Variants in ANO2 observed in about 807,000 individuals in gnomAD.
The protein encoded by ANO2 is anoctamin-2.
In ANO2, 101 loss-of-function variants were observed where a neutral mutation model predicts 124.2. The ratio of observed to expected loss-of-function variants is 0.81; its 90% CI spans 0.69 to 0.96. The LOEUF is 0.96. Among genes scored for constraint, ANO2 ranks in the 40% least tolerant of loss-of-function variants. The pLI is 0.00. For synonymous variants in ANO2, 486 were observed against 482.5 expected (o/e 1.01, Z -0.09); for missense variants, 1,293 against 1,274.5 (o/e 1.01, Z -0.22).
chr12:5,733,382 A>G (rs1950723173), intron 13 of ANO2, among the ~76,000 whole-genome samples: 1 of 152,196 alleles, frequency 6.6e-6, no homozygotes, highest in African/African-American at 2.4e-5. Flanking sequence ...GAAAATGCAT[A>G]ACTCACTTCA....
At chr12:5,731,307 G>GA (rs1592011944) in intron 14 of ANO2, among the ~76,000 whole-genome samples, 1 of 150,870 alleles carries the variant, frequency 6.6e-6, no homozygotes, top group Middle Eastern at 3.4e-3. Context: ...CTTCGTCTAG[G>GA]AAAAAAAATA....
chr12:5,922,584 G>A (rs1941757715), intron 2 of ANO2, 36 bp downstream of exon 2: 3 of 1,506,618 alleles, frequency 2.0e-6, no homozygotes, highest in Non-Finnish European at 2.7e-6. Context: ...AACAGGGCTG[G>A]CCTATCCCCC....
intron 14 of ANO2, among the ~76,000 whole-genome samples, chr12:5,702,643 A>G (rs1440533470): frequency 1.3e-5 from 2 of 152,216 alleles, no homozygotes; most frequent in Non-Finnish European, 2.9e-5. Context: ...ACACAAAAAT[A>G]AATTCCAAGT....
chr12:5,690,111 TTG>T (rs1261066052), intron 14 of ANO2, among the ~76,000 whole-genome samples: 1 of 152,056 alleles, frequency 6.6e-6, no homozygotes, highest in Non-Finnish European at 1.5e-5. Flanking sequence ...TGAGAAACAG[TTG>T]ACTGGCTGGA....
chr12:5,728,056 T>C (rs1950511536), intron 14 of ANO2, among the ~76,000 whole-genome samples: 1 of 152,156 alleles, frequency 6.6e-6, no homozygotes, highest in Non-Finnish European at 1.5e-5. Context: ...TCCGCCCACC[T>C]CGGCCTCTCA....
chr12:5,886,616 A>G (rs1366752783), intron 3 of ANO2, among the ~76,000 whole-genome samples: 1 of 152,198 alleles, frequency 6.6e-6, no homozygotes, highest in Non-Finnish European at 1.5e-5. Context: ...AAATAGAGGG[A>G]CACAAAGAAA....
intron 20 of ANO2, among the ~76,000 whole-genome samples, chr12:5,587,143 A>G (rs1428188702): frequency 6.6e-6 from 1 of 152,204 alleles, no homozygotes; most frequent in African/African-American, 2.4e-5. Flanking sequence ...TTCTTAAGAA[A>G]ACATTCATAG....
At chr12:5,755,763 C>T (rs1441974067) in intron 10 of ANO2, among the ~76,000 whole-genome samples, 1 of 152,118 alleles carries the variant, frequency 6.6e-6, no homozygotes, top group Non-Finnish European at 1.5e-5. Context: ...GCATAGTATT[C>T]CATGGTGTAT....
intron 3 of ANO2, among the ~76,000 whole-genome samples, chr12:5,905,162 C>T (rs192138044): frequency 1.8e-4 from 27 of 152,160 alleles, no homozygotes; most frequent in Non-Finnish European, 2.6e-4. Flanking sequence ...TGGGGGATAA[C>T]GCTGAAAGAA....
intron 4 of ANO2, among the ~76,000 whole-genome samples, chr12:5,843,248 T>A (rs571100907): frequency 6.6e-6 from 1 of 152,196 alleles, no homozygotes; most frequent in African/African-American, 2.4e-5. Context: ...CTGCAAGTTC[T>A]CCATCCTTAA....
intron 3 of ANO2, among the ~76,000 whole-genome samples, chr12:5,893,351 G>A (rs937284957): frequency 6.6e-6 from 1 of 151,924 alleles, no homozygotes; most frequent in African/African-American, 2.4e-5. Flanking sequence ...TCCAACAAAG[G>A]ACTAGTATCC....
In ANO2 at chr12:5,864,306, G is replaced by A. The variant is rs142707995; in HGVS notation, c.535-10165C>T. Among the ~76,000 whole-genome samples the A allele has an allele frequency of 2.6e-3, 400 of 152,360 alleles. 1 individual carries two copies. Among genetic ancestry groups the A allele is most frequent in the Non-Finnish European group, 3.5e-3 (239 of 68,036 alleles). On this transcript the variant is annotated intron_variant, in intron 3 of 24. Coordinates refer to ENST00000682330, the MANE Select transcript of ANO2 (RefSeq NM_001364791.2). ...TGCAACATTTCTACCAAAAATGAGAGAATGACAATCCATAAGCCCCAAAGA... is the reference window on the plus strand; with the variant it reads ...TGCAACATTTCTACCAAAAATGAGAAAATGACAATCCATAAGCCCCAAAGA...
intron 10 of ANO2, among the ~76,000 whole-genome samples, chr12:5,762,943 T>C (rs1187443925): frequency 6.6e-6 from 1 of 151,976 alleles, no homozygotes; most frequent in South Asian, 2.1e-4. Context: ...AACTGAGTCT[T>C]TTCAATATGA....
At chr12:5,737,972 CT>C (rs1950942841) in intron 13 of ANO2, among the ~76,000 whole-genome samples, 1 of 152,142 alleles carries the variant, frequency 6.6e-6, no homozygotes. Flanking sequence ...ATACCTAGGA[CT>C]AGAGTAGAGT....
At chr12:5,702,378 A>G (rs933884969) in intron 14 of ANO2, among the ~76,000 whole-genome samples, 1 of 152,210 alleles carries the variant, frequency 6.6e-6, no homozygotes, top group African/African-American at 2.4e-5. Context: ...CAGTCATAGT[A>G]AAAACAAGCC....
chr12:5,680,520 C>T (rs1213544373), intron 14 of ANO2, among the ~76,000 whole-genome samples: 2 of 152,260 alleles, frequency 1.3e-5, no homozygotes, highest in South Asian at 2.1e-4. Flanking sequence ...ATCTGAAGAA[C>T]GGCCGTGTGG....
chr12:5,760,700 G>C (rs2137106600), intron 10 of ANO2, among the ~76,000 whole-genome samples: 2 of 152,086 alleles, frequency 1.3e-5, no homozygotes, highest in East Asian at 3.9e-4. Flanking sequence ...CCTCCAGAAG[G>C]TCTTCTGGAT....
chr12:5,744,077 G>A (rs1951188219), intron 12 of ANO2, 80 bp downstream of exon 12: 2 of 1,544,716 alleles, frequency 1.3e-6, no homozygotes, highest in Admixed American at 1.8e-5. Flanking sequence ...GTAACCTGAA[G>A]GGGATGAGCT....
At chr12:5,774,698 C>A (rs934013308) in intron 10 of ANO2, among the ~76,000 whole-genome samples, 27 of 152,148 alleles carry the variant, frequency 1.8e-4, no homozygotes, top group African/African-American at 6.3e-4. Context: ...CAGGACCCAG[C>A]CCTCCCAGGG....
Sources: gnomAD v4.1 joint callset for allele counts (sites outside exome capture counted in the v4.1 genomes callset) on GRCh38, gnomAD v4.1.1 for gene constraint, MANE v1.5 for transcripts, NCBI Gene and HGNC (gene_info 2026-07-23, HGNC 2026-07-21) for gene names.